The following CCDC157 variants were observed in gnomAD, a reference collection of about 807,000 sequenced individuals.
The protein encoded by CCDC157 is coiled-coil domain-containing protein 157.
Under a neutral mutation model 70.9 loss-of-function variants are expected in CCDC157, and 60 were observed. That is an observed-to-expected ratio of 0.85 (90% confidence interval 0.69 to 1.05). CCDC157 has a LOEUF of 1.05. CCDC157 is among the 50% of genes least tolerant of loss of function. CCDC157 has a pLI of 0.00. For synonymous variants in CCDC157, 373 were observed against 422.4 expected, an observed-to-expected ratio of 0.88 and a Z score of 1.43; for missense variants, 943 against 984.2, an observed-to-expected ratio of 0.96 and a Z score of 0.56.
At position 30,357,041 on chromosome 22, in the gene CCDC157, G is replaced by C; in HGVS notation, c.-257G>C. 1 of 375,972 alleles carries C rather than the reference G, an allele frequency of 2.7e-6. No individual in the cohort carries two copies. Among genetic ancestry groups the C allele is most frequent in the Non-Finnish European group, 4.7e-6 (1 of 212,050 alleles). 23.3% of individuals were successfully genotyped at this position (375,972 alleles called of 1,614,324 possible). A position where few individuals can be genotyped will look rare whatever the true frequency, so the allele number is the denominator to read the frequency against. ...GCAGCGGCCTGAGCGCCCGGCTAGG[G>C]CTTTTCGGGGATCCCGGTGGCCGCA... On this transcript the variant is annotated 5_prime_UTR_variant, in exon 1 of 12. Coordinates refer to ENST00000338306, the MANE Select transcript of CCDC157 (RefSeq NM_001017437.5).
At chr22:30,372,656 G>A in intron 7 of CCDC157, 1 of 197,264 alleles carries the variant, frequency 5.1e-6, no homozygotes. Context: ...GCCCATGACA[G>A]GCAATTAGTC....
chr22:30,356,779 G>A (rs11550686), upstream of CCDC157: 6 of 1,435,642 alleles, frequency 4.2e-6, no homozygotes, highest in Non-Finnish European at 5.5e-6. Context: ...CGCCTGCACG[G>A]GTCCGGCCGG....
Position 30,370,440 on chromosome 22 carries a change from G to A in CCDC157, c.535G>A (p.Gly179Ser). ...AATCAAGCCCTCCTCCCCAGTGCTA[G>A]GCTTGCCCCAGACCTGCCAAGAGCC... ...KLIKPSSPVL[G>S]LPQTCQEPES... The change falls in exon 5 of 12, where the codon GGC becomes AGC. Residue 179 changes from glycine (G) to serine (S), a missense_variant. By Grantham distance (56) the Gly-to-Ser change is moderately conservative. Coordinates refer to ENST00000338306, the MANE Select transcript of CCDC157 (RefSeq NM_001017437.5). The A allele has an allele frequency of 6.2e-7, 1 of 1,614,116 alleles. No homozygotes were observed. The highest frequency in any genetic ancestry group is 8.5e-7 in the Non-Finnish European group (1 of 1,180,040).
intron 1 of CCDC157, among the ~76,000 whole-genome samples, chr22:30,359,841 C>T (rs1214121054): frequency 2.0e-5 from 3 of 151,992 alleles, no homozygotes; most frequent in Non-Finnish European, 4.4e-5. Context: ...AATATATTTT[C>T]CTCACTCATT....
At chr22:30,364,632 A>G (rs1385354529) in intron 2 of CCDC157, among the ~76,000 whole-genome samples, 6 of 152,062 alleles carry the variant, frequency 3.9e-5, no homozygotes, top group East Asian at 1.9e-4. Context: ...GAGAAACTCT[A>G]TCTCTACTAA....
At chr22:30,370,224 G>A in intron 4 of CCDC157, 102 bp from the exon 5 acceptor site, 3 of 1,321,578 alleles carry the variant, frequency 2.3e-6, no homozygotes, top group Non-Finnish European at 2.1e-6. Context: ...CTGAGTGTCA[G>A]GCAAGGCTGT....
At chr22:30,369,976 TAA>T (rs1932863165) in intron 4 of CCDC157, 1 of 466,918 alleles carries the variant, frequency 2.1e-6, no homozygotes, top group Non-Finnish European at 3.9e-6. Flanking sequence ...GGAAGGAAAC[TAA>T]AACTGAGAGT....
chr22:30,356,989 A>AC, upstream of CCDC157: 1 of 455,810 alleles, frequency 2.2e-6, no homozygotes. Flanking sequence ...CCCCGCGGGC[A>AC]CCGCGGCGTC....
chr22:30,370,436 G>C lies in CCDC157; in HGVS notation c.531G>C (p.Val177=). The part of the protein sequence containing the change: ...TTKLIKPSSP[V]LGLPQTCQEP... ...AGTTAATCAAGCCCTCCTCCCCAGT[G>C]CTAGGCTTGCCCCAGACCTGCCAAG... Residue 177 remains valine, a synonymous_variant, in exon 5 of 12, where the codon GTG becomes GTC. Coordinates refer to ENST00000338306, the MANE Select transcript of CCDC157 (RefSeq NM_001017437.5). The C allele has an allele frequency of 6.2e-7, 1 of 1,614,120 alleles. No individual in the cohort carries two copies. The highest frequency in any genetic ancestry group is 8.5e-7 in the Non-Finnish European group (1 of 1,180,042).
chr22:30,371,629 C>T (rs1242821165), intron 5 of CCDC157, 21 bp from the exon 6 acceptor site: 1 of 1,603,584 alleles, frequency 6.2e-7, no homozygotes, highest in Admixed American at 1.7e-5. Flanking sequence ...CTCTGAAGGG[C>T]CTCTCTCTTG....
In CCDC157 at chr22:30,369,679, CCCAGCTCTGGCTT is replaced by C; in HGVS notation, c.420+79_420+91del. On this transcript the variant is annotated intron_variant, in intron 4 of 11. Transcript: ENST00000338306. ...CACTGTGGTGGCCTTCACACCTCGC[CCCAGCTCTGGCTT>C]CCTAGCCTACCACTATGTGCACCAC... 4 of 1,221,724 alleles carry C rather than the reference CCCAGCTCTGGCTT, an allele frequency of 3.3e-6. No homozygotes were observed. The South Asian group carries it at 5.6e-5, about 17-fold the overall frequency. The allele number at this position is 1,221,724 out of a possible 1,614,324, so 75.7% of individuals were successfully genotyped here.
upstream of CCDC157, chr22:30,356,712 G>A (rs755562915): frequency 1.4e-6 from 2 of 1,479,474 alleles, no homozygotes; most frequent in South Asian, 1.3e-5. Flanking sequence ...TGCAGGCTGA[G>A]GGGCGGGGGA....
chr22:30,370,508 G>C lies in CCDC157; in HGVS notation c.603G>C (p.Thr201=). Residue 201 remains threonine (T), a synonymous_variant, in exon 5 of 12, where the codon ACG becomes ACC. Coordinates refer to ENST00000338306, the MANE Select transcript of CCDC157 (RefSeq NM_001017437.5). Reference sequence around the variant, plus strand: ...GAGCCTCCCTGCAGTTCCCAGCCACGACCTTCAAGAACACCAGGAGTGTCC... The same window carrying C: ...GAGCCTCCCTGCAGTTCCCAGCCACCACCTTCAAGAACACCAGGAGTGTCC... ...PVRASLQFPA[T]TFKNTRSVHS... is the part of the protein sequence containing the mutation. 1 of 1,614,088 alleles carries C rather than the reference G, an allele frequency of 6.2e-7. No individual in the cohort carries two copies. Among genetic ancestry groups the C allele is most frequent in the Non-Finnish European group, 8.5e-7 (1 of 1,180,042 alleles).
intron 1 of CCDC157, among the ~76,000 whole-genome samples, chr22:30,357,763 C>T (rs1932015556): frequency 6.6e-6 from 1 of 151,854 alleles, no homozygotes. Context: ...ATGATCCGCC[C>T]GCCTCGGCTT....
At chr22:30,359,438 A>G (rs1275313182) in intron 1 of CCDC157, among the ~76,000 whole-genome samples, 2 of 152,188 alleles carry the variant, frequency 1.3e-5, no homozygotes, top group Non-Finnish European at 2.9e-5. Flanking sequence ...ACCCTCAGAT[A>G]TCACTGGTAG....
rs1933344060 is a variant in CCDC157, at chr22:30,376,191, C to A, written c.1858-68C>A. On this transcript the variant is annotated intron_variant, in intron 10 of 11. Transcript: ENST00000338306. The stretch of plus-strand genomic sequence containing the variant: ...TCCCTCCCCATCCCTGGCTACGACA[C>A]CCTCTCTGTACAGTGGGGAGGGGAC... 5.6e-6 allele frequency: 8 copies of A among 1,436,410 alleles called. No individual in the cohort carries two copies. In the South Asian group the frequency reaches 8.3e-5, roughly 15 times the overall value. The allele number at this position is 1,436,410 out of a possible 1,614,324, so 89.0% of individuals were successfully genotyped here.
Position 30,370,948 on chromosome 22 carries a change from C to G in CCDC157, c.1043C>G (p.Thr348Arg), listed in dbSNP as rs138076861. 1 of 1,605,558 alleles carries G rather than the reference C, an allele frequency of 6.2e-7. No individual in the cohort carries two copies. The highest frequency in any genetic ancestry group is 1.3e-5 in the African/African-American group (1 of 74,832). The change falls in exon 5 of 12, where the codon ACA becomes AGA. Residue 348 changes from threonine (T) to arginine (R), a missense_variant and splice_region_variant. Thr to Arg is a moderately conservative substitution (Grantham distance 71). Coordinates refer to ENST00000338306, the MANE Select transcript of CCDC157 (RefSeq NM_001017437.5). ...GAGCACGACAAACAGCAGCTGCTCA[C>G]AGGTCTGTGCCCCAGAGGCCAGACG... ...EWEHDKQQLL[T>R]ETSDLKTKMA...
chr22:30,374,012 G>C lies in CCDC157; in HGVS notation c.1593G>C (p.Glu531Asp), dbSNP rs1178492877. 6.2e-7 allele frequency: 1 copy of C among 1,611,910 alleles called. No individual in the cohort carries two copies. The highest frequency in any genetic ancestry group is 8.5e-7 in the Non-Finnish European group (1 of 1,179,272). Reference protein sequence around the residue: ...LRLTILELERELEELKERERL... With the variant: ...LRLTILELERDLEELKERERL... ...TAACCATCCTGGAGCTAGAACGGGA[G>C]CTGGAGGAGCTGAAGGAGCGGGAGC... Residue 531 changes from glutamate (E) to aspartate (D), a missense_variant, in exon 9 of 12, where the codon GAG becomes GAC. Physicochemically the swap from Glu to Asp is conservative, Grantham distance 45 (BLOSUM62 2). Coordinates refer to ENST00000338306, the MANE Select transcript of CCDC157 (RefSeq NM_001017437.5).
At chr22:30,371,775 T>G in intron 6 of CCDC157, 48 bp downstream of exon 6, 1 of 1,470,252 alleles carries the variant, frequency 6.8e-7, no homozygotes, top group Non-Finnish European at 9.5e-7. Flanking sequence ...AAGCCAGGGG[T>G]GTGGCTGGAT....
Sources: allele counts gnomAD v4.1 joint callset (sites outside exome capture counted in the v4.1 genomes callset), GRCh38; gene constraint gnomAD v4.1.1; transcripts MANE v1.5; gene names NCBI Gene and HGNC (gene_info 2026-07-23, HGNC 2026-07-21).